The following ATP8A2 variants were observed in gnomAD, a reference collection of about 807,000 sequenced individuals.
ATP8A2 encodes the protein phospholipid-transporting ATPase IB.
In ATP8A2, 100 loss-of-function variants were observed where a neutral mutation model predicts 165.6. That is an observed-to-expected ratio of 0.60 (90% CI 0.51 to 0.71). ATP8A2 has a LOEUF of 0.71. Ranked by LOEUF, ATP8A2 falls within the 30% of genes least tolerant of loss-of-function variation. The probability of loss-of-function intolerance (pLI) is 0.00; values close to 1 mark genes in which losing one functional copy is unlikely to be tolerated. For synonymous variants in ATP8A2, 543 were observed against 548.8 expected (o/e 0.99, Z 0.15); for missense variants, 1,227 against 1,479.5 (o/e 0.83, Z 2.80).
At chr13:25,456,329 G>A (rs2035362813) in intron 1 of ATP8A2, among the ~76,000 whole-genome samples, 1 of 152,160 alleles carries the variant, frequency 6.6e-6, no homozygotes. Flanking sequence ...TATCAGTAGG[G>A]CACAGTCCAC....
intron 27 of ATP8A2, among the ~76,000 whole-genome samples, chr13:25,806,907 T>C (rs1950752901): frequency 6.6e-6 from 1 of 152,180 alleles, no homozygotes; most frequent in African/African-American, 2.4e-5. Flanking sequence ...GTGGTTTTGG[T>C]TTCCATTTCC....
At chr13:25,879,399 A>G (rs1232624035) in intron 33 of ATP8A2, among the ~76,000 whole-genome samples, 2 of 152,162 alleles carry the variant, frequency 1.3e-5, no homozygotes, top group Non-Finnish European at 1.5e-5. Flanking sequence ...ACAATGAAGG[A>G]AAAAAATGGA....
At chr13:25,937,681 C>A (rs1394971167) in intron 33 of ATP8A2, among the ~76,000 whole-genome samples, 1 of 151,136 alleles carries the variant, frequency 6.6e-6, no homozygotes, top group Non-Finnish European at 1.5e-5. Context: ...AACCCTGTCT[C>A]TACTAAAAAT....
At chr13:25,589,851 G>A (rs1219782107) in intron 24 of ATP8A2, 152 bp downstream of exon 24, 1 of 544,276 alleles carries the variant, frequency 1.8e-6, no homozygotes. Context: ...TTTAAGAATG[G>A]ATGTCAGAAA....
intron 33 of ATP8A2, among the ~76,000 whole-genome samples, chr13:25,874,085 G>C (rs1952756742): frequency 6.6e-6 from 1 of 152,242 alleles, no homozygotes; most frequent in African/African-American, 2.4e-5. Context: ...ACCGGAGCCA[G>C]AGTGATCTTG....
chr13:25,685,392 A>G (rs1434447715), intron 24 of ATP8A2, among the ~76,000 whole-genome samples: 1 of 152,190 alleles, frequency 6.6e-6, no homozygotes, highest in Non-Finnish European at 1.5e-5. Flanking sequence ...TCGGCCCTGA[A>G]TATACAATTG....
At chr13:25,570,692 G>T in intron 16 of ATP8A2, 75 bp from the exon 17 acceptor site, 1 of 1,140,200 alleles carries the variant, frequency 8.8e-7, no homozygotes. Context: ...GATGTTAGTT[G>T]GGGATCTGCT....
At chr13:25,413,743 G>A (rs17082242) in intron 1 of ATP8A2, among the ~76,000 whole-genome samples, 53,128 of 151,922 alleles carry the variant, frequency 0.35, 9,964 homozygotes, top group East Asian at 0.62. Context: ...GGCCAAGGAG[G>A]TGCAGGACAA....
intron 1 of ATP8A2, among the ~76,000 whole-genome samples, chr13:25,402,888 C>G (rs2033681882): frequency 6.6e-6 from 1 of 152,134 alleles, no homozygotes; most frequent in South Asian, 2.1e-4. Flanking sequence ...AGTCCCAGAT[C>G]AAGGCACAGC....
intron 1 of ATP8A2, among the ~76,000 whole-genome samples, chr13:25,374,013 C>G (rs1167897494): frequency 6.6e-6 from 1 of 152,066 alleles, no homozygotes; most frequent in Non-Finnish European, 1.5e-5. Flanking sequence ...TTTACACGGG[C>G]CCCTAAGAAT....
chr13:25,604,766 T>C (rs543770724), intron 24 of ATP8A2, among the ~76,000 whole-genome samples: 1 of 152,350 alleles, frequency 6.6e-6, no homozygotes, highest in East Asian at 1.9e-4. Context: ...TCCTGTATTC[T>C]ACTGTAGCTA....
intron 6 of ATP8A2, among the ~76,000 whole-genome samples, chr13:25,537,048 T>C (rs1311431892): frequency 6.6e-6 from 1 of 152,192 alleles, no homozygotes; most frequent in African/African-American, 2.4e-5. Flanking sequence ...CCCTGTTCTC[T>C]CTACCCTAGT....
intron 24 of ATP8A2, among the ~76,000 whole-genome samples, chr13:25,685,482 G>A (rs970573757): frequency 6.6e-6 from 1 of 152,198 alleles, no homozygotes; most frequent in South Asian, 2.1e-4. Flanking sequence ...AAATGTGTCA[G>A]TAAAAGATGT....
intron 1 of ATP8A2, among the ~76,000 whole-genome samples, chr13:25,377,031 G>T (rs978482466): frequency 6.6e-6 from 1 of 152,162 alleles, no homozygotes; most frequent in Admixed American, 6.5e-5. Context: ...GACGCCTTCC[G>T]TTGTCCAGTA....
rs150462462 is a variant in ATP8A2 at position 25,617,191 on chromosome 13, C to T, written c.2211+27492C>T. On this transcript the variant is annotated intron_variant, in intron 24 of 36. Coordinates refer to ENST00000381655, the MANE Select transcript of ATP8A2 (RefSeq NM_016529.6). ...ATGAAAACAACAAAAGCTAAAATGCCAAACCGAATGCAAGCTTTGTTCATT... is the reference window on the plus strand; with the variant it reads ...ATGAAAACAACAAAAGCTAAAATGCTAAACCGAATGCAAGCTTTGTTCATT... Among the ~76,000 whole-genome samples, 761 of 152,250 alleles carry T rather than the reference C, an allele frequency of 5.0e-3. 8 individuals are homozygous for T. Among genetic ancestry groups the T allele is most frequent in the South Asian group, 0.021 (99 of 4,828 alleles).
intron 30 of ATP8A2, among the ~76,000 whole-genome samples, chr13:25,856,214 A>G (rs995059932): frequency 3.3e-5 from 5 of 152,200 alleles, no homozygotes; most frequent in African/African-American, 1.2e-4. Flanking sequence ...CTAAGAAACC[A>G]TTGCCAGATC....
intron 33 of ATP8A2, among the ~76,000 whole-genome samples, chr13:25,869,017 C>G (rs1007980203): frequency 1.4e-5 from 2 of 138,330 alleles, no homozygotes; most frequent in Non-Finnish European, 3.0e-5. Context: ...TGCAGTGAGC[C>G]GAGATCGCGC....
intron 33 of ATP8A2, among the ~76,000 whole-genome samples, chr13:25,871,856 T>A (rs1410561789): frequency 1.3e-5 from 2 of 152,298 alleles, no homozygotes; most frequent in South Asian, 4.1e-4. Flanking sequence ...TTCGCAATAC[T>A]TTTTTAGTGA....
intron 10 of ATP8A2, among the ~76,000 whole-genome samples, chr13:25,547,366 C>T (rs1293827021): frequency 6.6e-6 from 1 of 151,916 alleles, no homozygotes; most frequent in African/African-American, 2.4e-5. Flanking sequence ...ACTGCCTGAG[C>T]TCTGCCTCCT....
Sources: allele counts gnomAD v4.1 joint callset (sites outside exome capture counted in the v4.1 genomes callset), GRCh38; gene constraint gnomAD v4.1.1; transcripts MANE v1.5; gene names NCBI Gene and HGNC (gene_info 2026-07-23, HGNC 2026-07-21).